The following TCF12 variants were observed in gnomAD, a reference collection of about 807,000 sequenced individuals.
TCF12 encodes the protein DNA-binding protein HTF4.
In TCF12, 45 loss-of-function variants were observed where a neutral mutation model predicts 86.0. The observed-to-expected ratio is 0.52, with a 90% CI of 0.41 to 0.67. TCF12 has a LOEUF of 0.67. TCF12 is among the 30% of genes least tolerant of loss of function. The probability of loss-of-function intolerance (pLI) is 0.00; values close to 1 mark genes in which losing one functional copy is unlikely to be tolerated. For missense variants in TCF12, 881 were observed against 859.9 expected (o/e 1.02, Z -0.31); for synonymous variants, 330 against 299.6 (o/e 1.10, Z -1.05).
intron 3 of TCF12, among the ~76,000 whole-genome samples, chr15:57,056,722 G>T (rs1208146543): frequency 6.6e-6 from 1 of 151,550 alleles, no homozygotes; most frequent in African/African-American, 2.4e-5. Flanking sequence ...GCCTCCCAAA[G>T]TGCTGGGATT....
chr15:57,015,143 C>T (rs1346950969), intron 3 of TCF12, among the ~76,000 whole-genome samples: 1 of 151,982 alleles, frequency 6.6e-6, no homozygotes, highest in African/African-American at 2.4e-5. Context: ...AAAAAATTAG[C>T]CGGGTATGGT....
In TCF12 at chr15:57,103,530, G is replaced by A. The variant is rs758336942; in HGVS notation, c.325+11639G>A. Among the ~76,000 whole-genome samples the A allele has an allele frequency of 3.3e-5, 5 of 152,080 alleles. No homozygotes were observed. In the East Asian group the frequency reaches 7.7e-4, roughly 23 times the overall value. ...TTGTATAAAGAAAACAGTCCCAAAC[G>A]CACTTATGAAGATGAATTTTCATAC... On this transcript the variant is annotated intron_variant, in intron 5 of 20. Coordinates refer to ENST00000333725, the MANE Select transcript of TCF12 (RefSeq NM_207037.2).
chr15:57,003,590 C>G (rs2064175801), intron 3 of TCF12, among the ~76,000 whole-genome samples: 1 of 152,150 alleles, frequency 6.6e-6, no homozygotes, highest in Non-Finnish European at 1.5e-5. Flanking sequence ...TGAAAGGACT[C>G]TTGTTTACAT....
intron 3 of TCF12, among the ~76,000 whole-genome samples, chr15:57,013,620 C>T (rs1359391245): frequency 1.3e-5 from 2 of 152,050 alleles, no homozygotes; most frequent in East Asian, 3.9e-4. Flanking sequence ...TGCCTCTGGC[C>T]CAGTTGAAGT....
At chr15:57,251,648 G>C (rs1427252578) in intron 14 of TCF12, among the ~76,000 whole-genome samples, 1 of 152,164 alleles carries the variant, frequency 6.6e-6, no homozygotes, top group Non-Finnish European at 1.5e-5. Context: ...TGTTAAAATT[G>C]TGTTATGAGG....
At chr15:57,047,892 G>A (rs2067339471) in intron 3 of TCF12, among the ~76,000 whole-genome samples, 1 of 152,204 alleles carries the variant, frequency 6.6e-6, no homozygotes, top group African/African-American at 2.4e-5. Context: ...AAGGTTGTAT[G>A]GCATAGCCTT....
At chr15:57,101,194 G>A (rs2049718826) in intron 5 of TCF12, among the ~76,000 whole-genome samples, 1 of 151,376 alleles carries the variant, frequency 6.6e-6, no homozygotes, top group Non-Finnish European at 1.5e-5. Context: ...GGTGGTGGTG[G>A]TTTTTGTTTT....
intron 19 of TCF12, among the ~76,000 whole-genome samples, chr15:57,274,016 AG>A (rs1277211099): frequency 6.6e-6 from 1 of 152,214 alleles, no homozygotes; most frequent in Non-Finnish European, 1.5e-5. Context: ...TATCTTTAAG[AG>A]GTTTTACCAT....
At chr15:57,278,338 C>T (rs2061499058) in intron 19 of TCF12, among the ~76,000 whole-genome samples, 1 of 151,820 alleles carries the variant, frequency 6.6e-6, no homozygotes, top group Admixed American at 6.6e-5. Flanking sequence ...AGAAAGGTTT[C>T]CAAGGAAAGA....
intron 3 of TCF12, among the ~76,000 whole-genome samples, chr15:57,040,586 C>T (rs2066831829): frequency 6.6e-6 from 1 of 152,120 alleles, no homozygotes; most frequent in Non-Finnish European, 1.5e-5. Flanking sequence ...TGTTTTTAGG[C>T]TGGTATTCAG....
At chr15:57,234,779 C>A (rs2059312469) in intron 12 of TCF12, among the ~76,000 whole-genome samples, 1 of 152,218 alleles carries the variant, frequency 6.6e-6, no homozygotes, top group South Asian at 2.1e-4. Flanking sequence ...AAATCTACAA[C>A]AGTTTCAAAT....
intron 5 of TCF12, among the ~76,000 whole-genome samples, chr15:57,095,530 A>T (rs1429425654): frequency 6.6e-6 from 1 of 152,178 alleles, no homozygotes; most frequent in Non-Finnish European, 1.5e-5. Flanking sequence ...TACTTATTTT[A>T]GGATGTATGT....
At chr15:56,966,074 GA>G (rs549457001) in intron 3 of TCF12, among the ~76,000 whole-genome samples, 141 of 152,298 alleles carry the variant, frequency 9.3e-4, no homozygotes, top group Non-Finnish European at 4.0e-4. Flanking sequence ...GTCTTATGAT[GA>G]AGGTTGAAAG....
chr15:57,057,898 G>T (rs1363832741), intron 3 of TCF12, among the ~76,000 whole-genome samples: 1 of 152,190 alleles, frequency 6.6e-6, no homozygotes, highest in Non-Finnish European at 1.5e-5. Flanking sequence ...TACGTTTGTA[G>T]TGCTTCTATG....
intron 8 of TCF12, among the ~76,000 whole-genome samples, chr15:57,222,185 G>A (rs2151871184): frequency 6.6e-6 from 1 of 150,732 alleles, no homozygotes; most frequent in East Asian, 1.9e-4. Context: ...AACCCTAAGT[G>A]GTCCTGCTCT....
chr15:56,985,317 A>G (rs2063129018), intron 3 of TCF12, among the ~76,000 whole-genome samples: 1 of 152,190 alleles, frequency 6.6e-6, no homozygotes, highest in South Asian at 2.1e-4. Context: ...AGGCAATTAA[A>G]TGAAGAATAT....
At chr15:57,009,440 A>G (rs577565052) in intron 3 of TCF12, among the ~76,000 whole-genome samples, 4 of 152,264 alleles carry the variant, frequency 2.6e-5, no homozygotes, top group African/African-American at 9.6e-5. Context: ...TGGATGAACT[A>G]GGTGGCTTTT....
intron 3 of TCF12, among the ~76,000 whole-genome samples, chr15:56,951,532 A>G (rs754196289): frequency 6.6e-5 from 10 of 152,108 alleles, no homozygotes; most frequent in Admixed American, 5.2e-4. Flanking sequence ...TGAGGAGCAG[A>G]AGTTTCTAAT....
rs67832685 is a variant in TCF12 at position 56,939,967 on chromosome 15, GTTTTTTTTTTTT to G, written c.148+18882_148+18893del. ...AAAAGAAGTGATACTTTAATAGCGT[GTTTTTTTTTTTT>G]TTTTTTTTTTTTGACAGGGTATATA... On this transcript the variant is annotated intron_variant, in intron 3 of 20. Transcript: ENST00000333725. Among the ~76,000 whole-genome samples, 184 of 104,714 alleles carry G rather than the reference GTTTTTTTTTTTT, an allele frequency of 1.8e-3. 2 individuals are homozygous for G. Among genetic ancestry groups the G allele is most frequent in the African/African-American group, 7.1e-3 (163 of 22,944 alleles). The allele number at this position is 104,714 out of a possible 152,430, so 68.7% of individuals were successfully genotyped here.
Sources: allele counts gnomAD v4.1 joint callset (sites outside exome capture counted in the v4.1 genomes callset), GRCh38; gene constraint gnomAD v4.1.1; transcripts MANE v1.5; gene names NCBI Gene and HGNC (gene_info 2026-07-23, HGNC 2026-07-21).